Variants in GTF2F2 observed in about 807,000 individuals in gnomAD.
The protein encoded by GTF2F2 is ATP-dependent helicase GTF2F2.
GTF2F2 carries 23 observed loss-of-function variants against 42.2 expected under a neutral mutation model. That is an observed-to-expected ratio of 0.55 (90% CI 0.39 to 0.77). The LOEUF is 0.77. GTF2F2 is among the 30% of genes least tolerant of loss of function. The probability of loss-of-function intolerance (pLI) is 0.00; values close to 1 mark genes in which losing one functional copy is unlikely to be tolerated. For synonymous variants in GTF2F2, 105 were observed against 100.8 expected, an observed-to-expected ratio of 1.04 and a Z score of -0.25; for missense variants, 261 against 287.2, an observed-to-expected ratio of 0.91 and a Z score of 0.66.
intron 6 of GTF2F2, among the ~76,000 whole-genome samples, chr13:45,257,538 A>C (rs538417081): frequency 6.6e-6 from 1 of 152,296 alleles, no homozygotes; most frequent in South Asian, 2.1e-4. Context: ...AAGCTTTAGG[A>C]ATTTGTTTAA....
At chr13:45,123,820 CA>C (rs1371898765) in intron 1 of GTF2F2, among the ~76,000 whole-genome samples, 2 of 140,832 alleles carry the variant, frequency 1.4e-5, no homozygotes, top group Non-Finnish European at 3.0e-5. Context: ...TGGCTGAGCA[CA>C]GGGGACTTTA....
chr13:45,177,393 G>A (rs1452238653), intron 4 of GTF2F2, among the ~76,000 whole-genome samples: 2 of 152,112 alleles, frequency 1.3e-5, no homozygotes, highest in Non-Finnish European at 2.9e-5. Flanking sequence ...AATATTAAAT[G>A]GAAAATTCCA....
intron 5 of GTF2F2, among the ~76,000 whole-genome samples, chr13:45,230,687 A>T (rs940639595): frequency 1.3e-5 from 2 of 152,246 alleles, no homozygotes; most frequent in Non-Finnish European, 2.9e-5. Context: ...GTGATATGTT[A>T]TACATAACTA....
chr13:45,135,367 C>T (rs1869564446), intron 1 of GTF2F2, among the ~76,000 whole-genome samples: 1 of 152,182 alleles, frequency 6.6e-6, no homozygotes, highest in Non-Finnish European at 1.5e-5. Context: ...TCAAGCAAGT[C>T]TCCTGCCTCA....
At chr13:45,206,516 A>C (rs1397320429) in intron 4 of GTF2F2, 1 of 152,234 alleles carries the variant, frequency 6.6e-6, no homozygotes, top group African/African-American at 2.4e-5. Flanking sequence ...CTCATGAGCC[A>C]GGGAATTTCC....
intron 1 of GTF2F2, among the ~76,000 whole-genome samples, chr13:45,121,036 C>G (rs994136050): frequency 7.2e-5 from 11 of 152,190 alleles, no homozygotes; most frequent in Non-Finnish European, 4.4e-5. Context: ...TGAAGAATTC[C>G]TTGTATCTTC....
intron 7 of GTF2F2, among the ~76,000 whole-genome samples, chr13:45,280,217 G>A (rs1376873907): frequency 6.6e-6 from 1 of 152,346 alleles, no homozygotes; most frequent in East Asian, 1.9e-4. Context: ...GTTGGAAGAT[G>A]AGGCTAAAGG....
intron 4 of GTF2F2, among the ~76,000 whole-genome samples, chr13:45,178,706 C>G (rs1489611582): frequency 2.0e-5 from 3 of 152,126 alleles, no homozygotes; most frequent in Admixed American, 6.5e-5. Context: ...GCACTACAGA[C>G]CACTACCAGT....
At chr13:45,278,816 CTTTTTTTTT>C (rs1157972776) in intron 7 of GTF2F2, among the ~76,000 whole-genome samples, 47 of 62,306 alleles carry the variant, frequency 7.5e-4, no homozygotes, top group Admixed American at 1.8e-3. Context: ...TTTTCTTTTT[CTTTTTTTTT>C]TTTTTTTTTT....
intron 7 of GTF2F2, among the ~76,000 whole-genome samples, chr13:45,277,982 T>C (rs1877103868): frequency 6.6e-6 from 1 of 152,230 alleles, no homozygotes; most frequent in East Asian, 1.9e-4. Flanking sequence ...CATCTCCCTG[T>C]CAAAGGTGTA....
At chr13:45,127,143 A>G (rs1171085278) in intron 1 of GTF2F2, among the ~76,000 whole-genome samples, 1 of 152,162 alleles carries the variant, frequency 6.6e-6, no homozygotes, top group Non-Finnish European at 1.5e-5. Context: ...AGAGTTATAT[A>G]TAATTAATGT....
intron 5 of GTF2F2, among the ~76,000 whole-genome samples, chr13:45,215,814 T>A (rs530580439): frequency 2.1e-4 from 32 of 151,234 alleles, no homozygotes; most frequent in African/African-American, 7.8e-4. Flanking sequence ...TTAGGGAAAC[T>A]CAGTGGTAGA....
At chr13:45,238,300 A>C (rs1436283140) in intron 5 of GTF2F2, among the ~76,000 whole-genome samples, 1 of 152,150 alleles carries the variant, frequency 6.6e-6, no homozygotes, top group Non-Finnish European at 1.5e-5. Context: ...CTCATTCATC[A>C]TCCATTGGAG....
intron 5 of GTF2F2, among the ~76,000 whole-genome samples, chr13:45,239,237 T>C (rs1227163596): frequency 6.6e-6 from 1 of 152,116 alleles, no homozygotes; most frequent in Non-Finnish European, 1.5e-5. Context: ...AAGTTCCAGA[T>C]AAAGAGATTT....
intron 5 of GTF2F2, among the ~76,000 whole-genome samples, chr13:45,211,012 T>C (rs535403362): frequency 2.0e-4 from 31 of 152,132 alleles, no homozygotes; most frequent in Middle Eastern, 3.2e-3. Flanking sequence ...GTAGAGCCAA[T>C]AGGACTTAAT....
At chr13:45,246,233 G>A (rs769002660) in intron 5 of GTF2F2, among the ~76,000 whole-genome samples, 9 of 151,790 alleles carry the variant, frequency 5.9e-5, no homozygotes, top group African/African-American at 1.4e-4. Context: ...GGATGGTCTC[G>A]ATCTCCTGAC....
chr13:45,208,924 G>C (rs752827221), intron 5 of GTF2F2, among the ~76,000 whole-genome samples: 1 of 152,092 alleles, frequency 6.6e-6, no homozygotes, highest in Non-Finnish European at 1.5e-5. Context: ...GTAAATTTTT[G>C]AAGTCTTTTT....
chr13:45,209,659 A>T (rs948497405), intron 5 of GTF2F2, among the ~76,000 whole-genome samples: 1 of 152,168 alleles, frequency 6.6e-6, no homozygotes, highest in South Asian at 2.1e-4. Context: ...GTTTGAGAGG[A>T]TGGCAGAAGC....
At chr13:45,136,180 C>T (rs1200060071) in intron 1 of GTF2F2, among the ~76,000 whole-genome samples, 1 of 152,184 alleles carries the variant, frequency 6.6e-6, no homozygotes, top group African/African-American at 2.4e-5. Flanking sequence ...GTACCTGTTC[C>T]ATAGAGATGT....
Sources: gnomAD v4.1 joint callset for allele counts (sites outside exome capture counted in the v4.1 genomes callset) on GRCh38, gnomAD v4.1.1 for gene constraint, MANE v1.5 for transcripts, NCBI Gene and HGNC (gene_info 2026-07-23, HGNC 2026-07-21) for gene names.